Variants in CMTM8 observed in about 807,000 individuals in gnomAD.
CMTM8 encodes the protein CKLF-like MARVEL transmembrane domain-containing protein 8.
CMTM8 carries 12 observed loss-of-function variants against 18.6 expected under a neutral mutation model. The observed-to-expected ratio is 0.65, with a 90% confidence interval of 0.41 to 1.05. The LOEUF (loss-of-function observed/expected upper bound fraction) is 1.05. Ranked by LOEUF, CMTM8 falls within the 50% of genes least tolerant of loss-of-function variation. The pLI, the probability that CMTM8 is intolerant of heterozygous loss-of-function variation, is 0.00. For missense variants in CMTM8, 217 were observed against 227.2 expected (o/e 0.95, Z 0.29); for synonymous variants, 87 against 90.6 (o/e 0.96, Z 0.23).
chr3:32,344,769 C>T (rs978616362), intron 1 of CMTM8, among the ~76,000 whole-genome samples: 7 of 152,134 alleles, frequency 4.6e-5, no homozygotes, highest in Non-Finnish European at 1.0e-4. Flanking sequence ...GTTGCATGCA[C>T]CTGTAGTTCC....
At chr3:32,298,957 T>TA (rs34793108) in intron 1 of CMTM8, among the ~76,000 whole-genome samples, 36,248 of 110,426 alleles carry the variant, frequency 0.33, 5,129 homozygotes, top group Admixed American at 0.37. Context: ...ATATATATAT[T>TA]TTTTTTTTTT....
chr3:32,323,794 A>G (rs1438050495), intron 1 of CMTM8, among the ~76,000 whole-genome samples: 1 of 152,248 alleles, frequency 6.6e-6, no homozygotes, highest in Non-Finnish European at 1.5e-5. Context: ...GCTTTGGGCA[A>G]GTTGCCAAAG....
In CMTM8 at chr3:32,350,359, C is replaced by CTTT. The variant is rs527757254; in HGVS notation, c.148-7000_148-6998dup. 3.4e-3 allele frequency among the ~76,000 whole-genome samples: 469 copies of CTTT among 136,164 alleles called. 4 individuals carry two copies. Among genetic ancestry groups the CTTT allele is most frequent in the African/African-American group, 7.8e-3 (289 of 37,108 alleles). 89.3% of individuals were successfully genotyped at this position (136,164 alleles called of 152,430 possible). A position where few individuals can be genotyped will look rare whatever the true frequency, so the allele number is the denominator to read the frequency against. On this transcript the variant is annotated intron_variant, in intron 1 of 3. Transcript: ENST00000307526. The stretch of plus-strand genomic sequence containing the variant: ...ATCCATTGTTCATATGTGTTCTAAG[C>CTTT]TTTTTTTTTTTTTTTTGAGACAGAG...
intron 1 of CMTM8, among the ~76,000 whole-genome samples, chr3:32,270,984 A>G (rs567511281): frequency 4.9e-4 from 74 of 152,346 alleles, no homozygotes; most frequent in Admixed American, 1.8e-3. Context: ...AACTTCTGCT[A>G]AAATGATTGA....
chr3:32,264,681 A>G (rs1339687274), intron 1 of CMTM8, among the ~76,000 whole-genome samples: 1 of 152,232 alleles, frequency 6.6e-6, no homozygotes, highest in Admixed American at 6.5e-5. Flanking sequence ...GTCAAGACCC[A>G]TCAGTGTGCT....
intron 1 of CMTM8, among the ~76,000 whole-genome samples, chr3:32,306,028 G>A (rs1287239810): frequency 2.0e-5 from 3 of 152,140 alleles, no homozygotes; most frequent in South Asian, 4.1e-4. Context: ...GTAGCAGTTA[G>A]TATGCTTTGT....
chr3:32,342,402 A>G (rs1327402001), intron 1 of CMTM8, among the ~76,000 whole-genome samples: 1 of 152,226 alleles, frequency 6.6e-6, no homozygotes, highest in Non-Finnish European at 1.5e-5. Flanking sequence ...GGTTGAATAG[A>G]TGAAAGCAAT....
intron 1 of CMTM8, among the ~76,000 whole-genome samples, chr3:32,318,055 CAAAAAAAAAAA>C (rs60403582): frequency 0.08 from 6,887 of 85,992 alleles, 607 homozygotes; most frequent in African/African-American, 0.25. Flanking sequence ...AACTCTGTCT[CAAAAAAAAAAA>C]AAAAAAAAAA....
At chr3:32,325,247 G>A (rs1559380103) in intron 1 of CMTM8, among the ~76,000 whole-genome samples, 1 of 152,130 alleles carries the variant, frequency 6.6e-6, no homozygotes, top group Non-Finnish European at 1.5e-5. Flanking sequence ...ATCCCCGGTG[G>A]GTCATTACAT....
chr3:32,296,995 A>G (rs1346923861), intron 1 of CMTM8, among the ~76,000 whole-genome samples: 1 of 152,120 alleles, frequency 6.6e-6, no homozygotes, highest in African/African-American at 2.4e-5. Context: ...GTTTGCTCTC[A>G]TAGGATGGTT....
intron 1 of CMTM8, among the ~76,000 whole-genome samples, chr3:32,337,806 A>G (rs901590192): frequency 1.3e-5 from 2 of 152,086 alleles, no homozygotes; most frequent in Non-Finnish European, 2.9e-5. Context: ...ATCCAAGGCT[A>G]CAAGGCAGAG....
At chr3:32,314,573 G>A (rs747013899) in intron 1 of CMTM8, among the ~76,000 whole-genome samples, 5 of 151,918 alleles carry the variant, frequency 3.3e-5, no homozygotes, top group African/African-American at 4.8e-5. Context: ...TCCACTTCCC[G>A]GATTCAATCA....
At chr3:32,344,968 G>A (rs954545757) in intron 1 of CMTM8, among the ~76,000 whole-genome samples, 10 of 152,066 alleles carry the variant, frequency 6.6e-5, no homozygotes, top group African/African-American at 1.7e-4. Flanking sequence ...GGGTAGGAGG[G>A]TACACACAAA....
chr3:32,348,107 C>G (rs1642890832), intron 1 of CMTM8, among the ~76,000 whole-genome samples: 1 of 152,074 alleles, frequency 6.6e-6, no homozygotes, highest in Non-Finnish European at 1.5e-5. Context: ...GTAAATTTTT[C>G]AGATATTACA....
chr3:32,259,848 A>AAAAAATTTTGCCTATATTTTTCAT, intron 1 of CMTM8: 1 of 828,840 alleles, frequency 1.2e-6, no homozygotes, highest in South Asian at 1.4e-5. Flanking sequence ...CATGCAGTCC[A>AAAAAATTTTGCCTATATTTTTCAT]GTCCTTGGAG....
chr3:32,268,889 T>G (rs565974834), intron 1 of CMTM8, among the ~76,000 whole-genome samples: 1 of 152,314 alleles, frequency 6.6e-6, no homozygotes, highest in African/African-American at 2.4e-5. Context: ...CTATTCAAAA[T>G]TATAACAGGT....
At chr3:32,299,219 T>A (rs1391113450) in intron 1 of CMTM8, among the ~76,000 whole-genome samples, 4 of 152,104 alleles carry the variant, frequency 2.6e-5, no homozygotes, top group Non-Finnish European at 4.4e-5. Context: ...AAGGCACGAT[T>A]TCCAAATGTT....
chr3:32,289,682 C>T (rs1209958464), intron 1 of CMTM8, among the ~76,000 whole-genome samples: 1 of 152,142 alleles, frequency 6.6e-6, no homozygotes, highest in Non-Finnish European at 1.5e-5. Flanking sequence ...GACCAGCCAC[C>T]CAAACCTCCA....
chr3:32,359,411 G>A (rs769894999), intron 2 of CMTM8, among the ~76,000 whole-genome samples: 5 of 152,136 alleles, frequency 3.3e-5, no homozygotes, highest in Non-Finnish European at 5.9e-5. Context: ...CCAACATGGC[G>A]AAATCCCGTC....
Sources: gnomAD v4.1 joint callset for allele counts (sites outside exome capture counted in the v4.1 genomes callset) on GRCh38, gnomAD v4.1.1 for gene constraint, MANE v1.5 for transcripts, NCBI Gene and HGNC (gene_info 2026-07-23, HGNC 2026-07-21) for gene names.